PTPRN2: variants seen among roughly 807,000 people sequenced by gnomAD.
PTPRN2 encodes protein tyrosine phosphatase receptor type N2.
PTPRN2 carries 74 observed loss-of-function variants against 118.8 expected under a neutral mutation model. That is an observed-to-expected ratio of 0.62 (90% CI 0.52 to 0.76). PTPRN2 has a LOEUF of 0.76. Ranked by LOEUF, PTPRN2 falls within the 30% of genes least tolerant of loss-of-function variation. The pLI is 0.00. For missense variants in PTPRN2, 1,481 were observed against 1,394.4 expected, an observed-to-expected ratio of 1.06 and a Z score of -0.99; for synonymous variants, 641 against 608.0, an observed-to-expected ratio of 1.05 and a Z score of -0.80.
At chr7:157,693,300 C>A (rs1459783257) in intron 12 of PTPRN2, among the ~76,000 whole-genome samples, 2 of 152,048 alleles carry the variant, frequency 1.3e-5, no homozygotes, top group African/African-American at 4.8e-5. Flanking sequence ...CGGGACTCCC[C>A]GCGGGGGCTG....
At chr7:157,654,087 C>T (rs1805884578) in intron 14 of PTPRN2, among the ~76,000 whole-genome samples, 1 of 117,304 alleles carries the variant, frequency 8.5e-6, no homozygotes, top group Non-Finnish European at 1.7e-5. Flanking sequence ...CCCACCCCGA[C>T]TCCACACCAT....
chr7:158,213,774 C>A (rs908304368), intron 3 of PTPRN2, among the ~76,000 whole-genome samples: 1 of 152,014 alleles, frequency 6.6e-6, no homozygotes, highest in Non-Finnish European at 1.5e-5. Flanking sequence ...ATTTTAACCA[C>A]GCCATTCCTA....
chr7:158,320,991 C>T (rs919581602), intron 2 of PTPRN2, among the ~76,000 whole-genome samples: 12 of 152,208 alleles, frequency 7.9e-5, no homozygotes, highest in South Asian at 2.1e-4. Flanking sequence ...TTTGTTCTTC[C>T]GGGTCACTTG....
chr7:158,301,177 G>A (rs1470796298), intron 3 of PTPRN2, among the ~76,000 whole-genome samples: 2 of 152,156 alleles, frequency 1.3e-5, no homozygotes, highest in Non-Finnish European at 2.9e-5. Flanking sequence ...TCCTTTAGGG[G>A]CACTTTTCCT....
At chr7:158,538,822 CCAA>C (rs1723004777) in intron 1 of PTPRN2, among the ~76,000 whole-genome samples, 1 of 152,202 alleles carries the variant, frequency 6.6e-6, no homozygotes, top group South Asian at 2.1e-4. Flanking sequence ...CCTCGTAACC[CCAA>C]CAACAGGCCC....
At chr7:158,150,439 G>T (rs115035153) in intron 6 of PTPRN2, among the ~76,000 whole-genome samples, 2 of 152,132 alleles carry the variant, frequency 1.3e-5, no homozygotes, top group Non-Finnish European at 2.9e-5. Context: ...CAGCTCTGCC[G>T]CCCTGACCTG....
At chr7:157,750,344 C>T (rs1194414106) in intron 12 of PTPRN2, among the ~76,000 whole-genome samples, 3 of 152,168 alleles carry the variant, frequency 2.0e-5, no homozygotes, top group Non-Finnish European at 2.9e-5. Flanking sequence ...GCTTCCCCCA[C>T]GGCAATGAGG....
chr7:158,312,032 GAGAC>G (rs1473523979), intron 3 of PTPRN2, among the ~76,000 whole-genome samples: 3 of 142,816 alleles, frequency 2.1e-5, no homozygotes, highest in Admixed American at 1.4e-4. Context: ...CTCACGTGTA[GAGAC>G]ACACACATGC....
At chr7:157,772,228 C>T (rs993409131) in intron 12 of PTPRN2, among the ~76,000 whole-genome samples, 2 of 151,808 alleles carry the variant, frequency 1.3e-5, no homozygotes, top group Admixed American at 6.6e-5. Flanking sequence ...GACACAGACA[C>T]ACACACATAC....
At chr7:158,320,948 ATTT>A (rs1802961685) in intron 2 of PTPRN2, among the ~76,000 whole-genome samples, 1 of 152,124 alleles carries the variant, frequency 6.6e-6, no homozygotes, top group South Asian at 2.1e-4. Flanking sequence ...GGTAGAATTG[ATTT>A]TTATGTGGCC....
At chr7:158,227,729 A>T (rs574774322) in intron 3 of PTPRN2, among the ~76,000 whole-genome samples, 1 of 151,200 alleles carries the variant, frequency 6.6e-6, no homozygotes, top group Non-Finnish European at 1.5e-5. Context: ...GTGAAGGATG[A>T]TCCCATGCAG....
intron 6 of PTPRN2, among the ~76,000 whole-genome samples, chr7:158,153,509 C>T (rs905948953): frequency 6.6e-6 from 1 of 152,148 alleles, no homozygotes; most frequent in African/African-American, 2.4e-5. Context: ...CACAGCCCAC[C>T]CGTCTGTCAG....
chr7:158,340,992 C>A lies in PTPRN2; in HGVS notation c.164-24060G>T, dbSNP rs1439672003. Among the ~76,000 whole-genome samples the A allele has an allele frequency of 5.5e-4, 40 of 73,106 alleles. 2 individuals carry two copies. Among genetic ancestry groups the A allele is most frequent in the African/African-American group, 1.8e-3 (37 of 20,796 alleles). The allele number at this position is 73,106 out of a possible 152,430, so 48.0% of individuals were successfully genotyped here. A position where few individuals can be genotyped will look rare whatever the true frequency, so the allele number is the denominator to read the frequency against. On this transcript the variant is annotated intron_variant, in intron 2 of 22. Coordinates refer to ENST00000389418, the MANE Select transcript of PTPRN2 (RefSeq NM_002847.5). ...GATGTCACTCACACCCACACTCTCA[C>A]CATAAGAGGTGAAACCTGCAGACGT...
chr7:157,592,115 C>T (rs1433623612), intron 17 of PTPRN2, among the ~76,000 whole-genome samples: 1 of 152,162 alleles, frequency 6.6e-6, no homozygotes, highest in Admixed American at 6.5e-5. Flanking sequence ...TTTCACCTTG[C>T]TTTAAAATTT....
chr7:158,007,064 G>A (rs757327578), intron 11 of PTPRN2, among the ~76,000 whole-genome samples: 12 of 152,178 alleles, frequency 7.9e-5, no homozygotes, highest in South Asian at 4.1e-4. Flanking sequence ...GCGGGCGGCC[G>A]TCTCCTCCTG....
At chr7:158,118,297 T>C (rs1563458876) in intron 9 of PTPRN2, among the ~76,000 whole-genome samples, 1 of 152,210 alleles carries the variant, frequency 6.6e-6, no homozygotes, top group Admixed American at 6.5e-5. Flanking sequence ...ATAATTTTTG[T>C]ATGTTATTGA....
Position 157,618,963 on chromosome 7 carries a change from C to T in PTPRN2, c.2344+2399G>A, listed in dbSNP as rs556579049. 3.7e-4 allele frequency among the ~76,000 whole-genome samples: 57 copies of T among 152,186 alleles called. No homozygotes were observed. Among genetic ancestry groups the T allele is most frequent in the South Asian group, 2.3e-3 (11 of 4,822 alleles). Reference sequence around the variant, plus strand: ...GGAGGGAGGTGCTTTCCCCCTCACCCGTCACCTGGCTCAGAATGGGCAGGG... The same window carrying T: ...GGAGGGAGGTGCTTTCCCCCTCACCTGTCACCTGGCTCAGAATGGGCAGGG... On this transcript the variant is annotated intron_variant, in intron 15 of 22. Transcript: ENST00000389418. This position sits in a 1 kb window ranked among gnomAD's most constrained non-coding sequence, Gnocchi z 4.2.
At chr7:157,997,216 C>A (rs531634556) in intron 11 of PTPRN2, among the ~76,000 whole-genome samples, 1 of 152,344 alleles carries the variant, frequency 6.6e-6, no homozygotes, top group East Asian at 1.9e-4. Flanking sequence ...GGCTGCCTGG[C>A]GGCTCCATTT....
At chr7:157,852,728 G>T (rs1283792545) in intron 12 of PTPRN2, among the ~76,000 whole-genome samples, 3 of 152,050 alleles carry the variant, frequency 2.0e-5, no homozygotes, top group Non-Finnish European at 4.4e-5. Flanking sequence ...AATTAGCTGG[G>T]TGTGGTGGTG....
Sources: gnomAD v4.1 joint callset for allele counts (sites outside exome capture counted in the v4.1 genomes callset) on GRCh38, gnomAD v4.1.1 for gene constraint, Gnocchi (gnomAD v3.1) non-coding constraint, MANE v1.5 for transcripts, NCBI Gene and HGNC (gene_info 2026-07-23, HGNC 2026-07-21) for gene names.